Variants in GPR107 observed in about 807,000 individuals in gnomAD.
GPR107 encodes protein GPR107.
A neutral mutation model predicts 75.5 loss-of-function variants in GPR107; 31 were observed. That is an observed-to-expected ratio of 0.41 (90% CI 0.31 to 0.55). The LOEUF is 0.55. Among genes scored for constraint, GPR107 ranks in the 20% least tolerant of loss-of-function variants. The probability of loss-of-function intolerance (pLI) is 0.26; values close to 1 mark genes in which losing one functional copy is unlikely to be tolerated. For synonymous variants in GPR107, 267 were observed against 251.3 expected (o/e 1.06, Z -0.59); for missense variants, 572 against 665.7 (o/e 0.86, Z 1.55).
chr9:130,100,325 G>C (rs1409511216), intron 10 of GPR107, among the ~76,000 whole-genome samples: 2 of 152,196 alleles, frequency 1.3e-5, no homozygotes, highest in African/African-American at 4.8e-5. Context: ...TTGAGCCTCA[G>C]CTTTGTATAT....
intron 1 of GPR107, among the ~76,000 whole-genome samples, chr9:130,057,147 A>G (rs1829813015): frequency 6.6e-6 from 1 of 151,998 alleles, no homozygotes; most frequent in Admixed American, 6.6e-5. Context: ...GAGACCCATA[A>G]TGGCAAGGAT....
intron 1 of GPR107, among the ~76,000 whole-genome samples, chr9:130,054,596 AAT>A (rs1829692806): frequency 1.3e-5 from 2 of 152,150 alleles, no homozygotes; most frequent in South Asian, 4.1e-4. Context: ...CGTGACTGAG[AAT>A]GTAAAGCCAG....
chr9:130,077,811 C>T (rs1830391026), intron 4 of GPR107, among the ~76,000 whole-genome samples: 1 of 152,156 alleles, frequency 6.6e-6, no homozygotes, highest in Non-Finnish European at 1.5e-5. Context: ...TTACCTACTT[C>T]GTGATGATGG....
At chr9:130,123,391 A>G (rs1181771082) in intron 14 of GPR107, among the ~76,000 whole-genome samples, 1 of 151,930 alleles carries the variant, frequency 6.6e-6, no homozygotes, top group Non-Finnish European at 1.5e-5. Flanking sequence ...TTTAGTTGAG[A>G]TGGGGTTTCA....
At chr9:130,106,617 A>AAATAAATAATAAT (rs1554895842) in intron 13 of GPR107, among the ~76,000 whole-genome samples, 1 of 145,162 alleles carries the variant, frequency 6.9e-6, no homozygotes, top group Non-Finnish European at 1.5e-5. Context: ...ATAAATAAAT[A>AAATAAATAATAAT]AATAATAATA....
intron 17 of GPR107, among the ~76,000 whole-genome samples, chr9:130,132,254 C>T (rs1554899192): frequency 6.6e-6 from 1 of 152,140 alleles, no homozygotes; most frequent in Non-Finnish European, 1.5e-5. Flanking sequence ...TTTGCAGTGC[C>T]AGTTTCCTGG....
chr9:130,057,923 C>T (rs905823787), intron 1 of GPR107, among the ~76,000 whole-genome samples: 9 of 151,830 alleles, frequency 5.9e-5, no homozygotes, highest in Admixed American at 5.3e-4. Flanking sequence ...CTCCGCCTCC[C>T]GGTTCAAGCG....
intron 14 of GPR107, 125 bp from the exon 15 acceptor site, chr9:130,124,790 T>TG: frequency 1.6e-6 from 1 of 622,304 alleles, no homozygotes; most frequent in South Asian, 2.0e-5. Flanking sequence ...GATAGATGGA[T>TG]GTGCCTCTGA....
chr9:130,104,373 A>C, intron 12 of GPR107, 47 bp from the exon 13 acceptor site: 1 of 1,592,726 alleles, frequency 6.3e-7, no homozygotes. Context: ...TAGCATCATA[A>C]CAGTCCACCC....
chr9:130,081,628 G>A (rs866816288), intron 5 of GPR107, among the ~76,000 whole-genome samples: 4 of 150,478 alleles, frequency 2.7e-5, no homozygotes, highest in African/African-American at 4.9e-5. Context: ...AGCCAAGATC[G>A]CACCACTGCA....
chr9:130,059,928 C>T (rs185587746), intron 1 of GPR107, among the ~76,000 whole-genome samples: 12 of 151,422 alleles, frequency 7.9e-5, no homozygotes, highest in African/African-American at 2.4e-4. Flanking sequence ...TTAGTAGAGA[C>T]GGAGTTTCAC....
At chr9:130,133,263 C>G (rs2417171) in intron 17 of GPR107, 67,598 of 152,176 alleles carry the variant, frequency 0.44, 17,255 homozygotes, top group East Asian at 0.75. Context: ...GGAGTATTTT[C>G]TTAGAGAAAG....
Position 130,133,541 on chromosome 9 carries a change from C to T in GPR107, c.1563-1484C>T, listed in dbSNP as rs551331413. 9.8e-5 allele frequency among the ~76,000 whole-genome samples: 15 copies of T among 152,318 alleles called. 1 individual carries two copies. Among genetic ancestry groups the T allele is most frequent in the African/African-American group, 3.6e-4 (15 of 41,576 alleles). The stretch of plus-strand genomic sequence containing the variant: ...TCTCTGGCTCATGCAAAGGCCCTAC[C>T]TCCTGCATCCCCGTCTAGAGAAGGT... On this transcript the variant is annotated intron_variant, in intron 17 of 17. Transcript: ENST00000347136.
Position 130,081,678 on chromosome 9 carries a change from A to C in GPR107, c.527-1887A>C, listed in dbSNP as rs377496904. Among the ~76,000 whole-genome samples, 23 of 151,246 alleles carry C rather than the reference A, an allele frequency of 1.5e-4. No individual in the cohort carries two copies. The East Asian group carries it at 1.6e-3, about 10-fold the overall frequency. ...CAGAGTGAGACTCTGTCTCAAAAAAAAAAAAACAAAAAACAAAAAACACAA... is the reference window on the plus strand; with the variant it reads ...CAGAGTGAGACTCTGTCTCAAAAAACAAAAAACAAAAAACAAAAAACACAA... On this transcript the variant is annotated intron_variant, in intron 5 of 17. Transcript: ENST00000347136.
intron 6 of GPR107, among the ~76,000 whole-genome samples, chr9:130,084,047 C>CATATATATATATAT (rs139002438): frequency 0.043 from 5,608 of 130,668 alleles, 178 homozygotes; most frequent in Non-Finnish European, 0.057. Flanking sequence ...AGAGAGCTAA[C>CATATATATATATAT]ATATATATAT....
chr9:130,088,853 C>T (rs1241996462), intron 7 of GPR107, among the ~76,000 whole-genome samples: 2 of 152,102 alleles, frequency 1.3e-5, no homozygotes, highest in Non-Finnish European at 2.9e-5. Flanking sequence ...CTTTAAAATG[C>T]TTGTTAATAA....
intron 14 of GPR107, among the ~76,000 whole-genome samples, chr9:130,115,890 A>G (rs1389595999): frequency 4.6e-5 from 7 of 151,930 alleles, no homozygotes; most frequent in Non-Finnish European, 8.8e-5. Flanking sequence ...GGCATGAGCC[A>G]CCGTGCCCAG....
intron 5 of GPR107, among the ~76,000 whole-genome samples, chr9:130,081,145 T>G (rs1214976345): frequency 1.3e-5 from 2 of 152,042 alleles, no homozygotes; most frequent in Non-Finnish European, 2.9e-5. Flanking sequence ...ATGTGACTGG[T>G]CTAGGCCACA....
intron 1 of GPR107, among the ~76,000 whole-genome samples, chr9:130,071,191 A>ATTT (rs1233744458): frequency 7.4e-6 from 1 of 135,022 alleles, no homozygotes; most frequent in African/African-American, 2.7e-5. Context: ...CAACTGGCTA[A>ATTT]TTTTTTTTTT....
Sources: gnomAD v4.1 joint callset for allele counts (sites outside exome capture counted in the v4.1 genomes callset) on GRCh38, gnomAD v4.1.1 for gene constraint, MANE v1.5 for transcripts, NCBI Gene and HGNC (gene_info 2026-07-23, HGNC 2026-07-21) for gene names.